SLC10A7: variants seen among roughly 807,000 people sequenced by gnomAD.
SLC10A7 encodes the protein solute carrier family 10 member 7.
A neutral mutation model predicts 43.2 loss-of-function variants in SLC10A7; 29 were observed. The observed-to-expected ratio is 0.67, with a 90% CI of 0.50 to 0.92. The LOEUF (loss-of-function observed/expected upper bound fraction) is 0.92. SLC10A7 is among the 40% of genes least tolerant of loss of function. SLC10A7 has a pLI of 0.00. For missense variants in SLC10A7, 295 were observed against 403.2 expected (o/e 0.73, Z 2.30); for synonymous variants, 152 against 144.8 (o/e 1.05, Z -0.35).
At chr4:146,451,234 AAAAAAAAAAAAAAAAAC>A (rs945924432) in intron 4 of SLC10A7, among the ~76,000 whole-genome samples, 14 of 146,284 alleles carry the variant, frequency 9.6e-5, no homozygotes, top group African/African-American at 3.6e-4. Context: ...CTCCCACCAA[AAAAAAAAAAAAAAAAAC>A]AAAAAAAAAC....
intron 4 of SLC10A7, among the ~76,000 whole-genome samples, chr4:146,480,851 A>T (rs538106854): frequency 6.6e-6 from 1 of 152,256 alleles, no homozygotes; most frequent in East Asian, 1.9e-4. Flanking sequence ...CCCACCAAAA[A>T]AAAACCCAAA....
intron 5 of SLC10A7, among the ~76,000 whole-genome samples, chr4:146,343,913 A>G (rs545345041): frequency 7.9e-5 from 12 of 152,176 alleles, no homozygotes; most frequent in African/African-American, 2.4e-4. Context: ...AACTCATCTA[A>G]AGGAATGTTG....
At chr4:146,363,324 C>T (rs1018900812) in intron 5 of SLC10A7, among the ~76,000 whole-genome samples, 1 of 151,930 alleles carries the variant, frequency 6.6e-6, no homozygotes, top group Non-Finnish European at 1.5e-5. Flanking sequence ...CAGCAATTGT[C>T]TATGTATATG....
At chr4:146,343,337 C>A in intron 5 of SLC10A7, among the ~76,000 whole-genome samples, 1 of 152,016 alleles carries the variant, frequency 6.6e-6, no homozygotes, top group East Asian at 1.9e-4. Context: ...GAAGTGAGGG[C>A]AACTTAGGAA....
In SLC10A7 at chr4:146,449,511, T is replaced by C. The variant is rs540293662; in HGVS notation, c.397-6690A>G. Among the ~76,000 whole-genome samples, 6 of 152,128 alleles carry C rather than the reference T, an allele frequency of 3.9e-5. No individual in the cohort carries two copies. The South Asian group carries it at 1.0e-3, about 26-fold the overall frequency. On this transcript the variant is annotated intron_variant, in intron 4 of 11. Transcript: ENST00000335472. Reference sequence around the variant, plus strand: ...CCCTAACCTGTCCAGCAAAAAGAGATAGCGTGTAGACCCCTGCTATGACAG... The same window carrying C: ...CCCTAACCTGTCCAGCAAAAAGAGACAGCGTGTAGACCCCTGCTATGACAG...
At chr4:146,266,058 T>C (rs903563556) in intron 10 of SLC10A7, among the ~76,000 whole-genome samples, 1 of 152,252 alleles carries the variant, frequency 6.6e-6, no homozygotes, top group Non-Finnish European at 1.5e-5. Context: ...GTTTTCCATT[T>C]AAATGCTTTC....
At chr4:146,284,716 C>T (rs1008960099) in intron 9 of SLC10A7, among the ~76,000 whole-genome samples, 25 of 152,230 alleles carry the variant, frequency 1.6e-4, no homozygotes, top group African/African-American at 6.0e-4. Flanking sequence ...ACATTTTATT[C>T]TCATATTGAT....
intron 5 of SLC10A7, among the ~76,000 whole-genome samples, chr4:146,371,475 T>G (rs1214618759): frequency 6.6e-6 from 1 of 152,052 alleles, no homozygotes; most frequent in Admixed American, 6.5e-5. Flanking sequence ...GTGGAACAAG[T>G]AGGATTTTAG....
At chr4:146,273,136 C>A (rs184495333) in intron 10 of SLC10A7, among the ~76,000 whole-genome samples, 1 of 152,118 alleles carries the variant, frequency 6.6e-6, no homozygotes, top group Non-Finnish European at 1.5e-5. Context: ...CATTAGGAAG[C>A]GCAGTGACAA....
intron 5 of SLC10A7, among the ~76,000 whole-genome samples, chr4:146,367,371 G>A (rs1736469183): frequency 6.6e-6 from 1 of 152,108 alleles, no homozygotes; most frequent in Non-Finnish European, 1.5e-5. Flanking sequence ...GCCACATGTA[G>A]CTATTAAGCA....
intron 3 of SLC10A7, among the ~76,000 whole-genome samples, chr4:146,509,318 T>C (rs767717111): frequency 1.3e-5 from 2 of 152,196 alleles, no homozygotes; most frequent in Non-Finnish European, 2.9e-5. Context: ...GCAATTTCAA[T>C]TGATATCCCC....
intron 4 of SLC10A7, among the ~76,000 whole-genome samples, chr4:146,451,171 A>T (rs1361926451): frequency 6.6e-6 from 1 of 150,714 alleles, no homozygotes; most frequent in East Asian, 2.0e-4. Context: ...AGGAGAAGCT[A>T]AAATAGAAAA....
intron 10 of SLC10A7, among the ~76,000 whole-genome samples, chr4:146,269,873 A>G (rs1443210881): frequency 2.0e-5 from 3 of 152,222 alleles, no homozygotes; most frequent in African/African-American, 7.2e-5. Context: ...AATGTTAGTT[A>G]AAAAGTAAAT....
intron 4 of SLC10A7, among the ~76,000 whole-genome samples, chr4:146,495,955 A>G (rs1354747982): frequency 6.6e-6 from 1 of 152,208 alleles, no homozygotes; most frequent in Non-Finnish European, 1.5e-5. Flanking sequence ...CCAGCTAAAT[A>G]TGCTTGCATT....
chr4:146,518,574 G>A (rs1344485421), intron 1 of SLC10A7, among the ~76,000 whole-genome samples: 2 of 151,978 alleles, frequency 1.3e-5, no homozygotes, highest in African/African-American at 4.8e-5. Context: ...CAAAATTCAT[G>A]CCCACCCAGA....
chr4:146,481,900 A>G (rs887324345), intron 4 of SLC10A7, among the ~76,000 whole-genome samples: 5 of 152,186 alleles, frequency 3.3e-5, no homozygotes, highest in African/African-American at 1.2e-4. Flanking sequence ...CTCTCAGCTA[A>G]GACTCCAAAT....
chr4:146,378,329 A>G (rs1450722687), intron 5 of SLC10A7, among the ~76,000 whole-genome samples: 1 of 152,226 alleles, frequency 6.6e-6, no homozygotes, highest in Non-Finnish European at 1.5e-5. Context: ...TGGGAGAATA[A>G]CGATAATGTT....
At chr4:146,420,732 G>C (rs933803153) in intron 5 of SLC10A7, among the ~76,000 whole-genome samples, 1 of 152,074 alleles carries the variant, frequency 6.6e-6, no homozygotes, top group South Asian at 2.1e-4. Flanking sequence ...GGCTAGATAA[G>C]AAGTTTCAAC....
intron 7 of SLC10A7, among the ~76,000 whole-genome samples, chr4:146,299,676 A>G (rs1362626351): frequency 2.6e-5 from 4 of 152,176 alleles, no homozygotes; most frequent in African/African-American, 9.7e-5. Flanking sequence ...TTGGGGAGGT[A>G]AAAGGGACTT....
Sources: allele counts gnomAD v4.1 joint callset (sites outside exome capture counted in the v4.1 genomes callset), GRCh38; gene constraint gnomAD v4.1.1; transcripts MANE v1.5; gene names NCBI Gene and HGNC (gene_info 2026-07-23, HGNC 2026-07-21).